ATP2A3: variants seen among roughly 807,000 people sequenced by gnomAD.
ATP2A3 encodes the protein ATPase sarcoplasmic/endoplasmic reticulum Ca2+ transporting 3, also known as sarcoplasmic/endoplasmic reticulum calcium ATPase 3.
Under a neutral mutation model 106.8 loss-of-function variants are expected in ATP2A3, and 61 were observed. That is an observed-to-expected ratio of 0.57 (90% confidence interval 0.46 to 0.71). The LOEUF is 0.71. Among genes scored for constraint, ATP2A3 ranks in the 30% least tolerant of loss-of-function variants. ATP2A3 has a pLI of 0.00. For missense variants in ATP2A3, 1,201 were observed against 1,423.5 expected, an observed-to-expected ratio of 0.84 and a Z score of 2.52; for synonymous variants, 611 against 609.3, an observed-to-expected ratio of 1.00 and a Z score of -0.04.
intron 17 of ATP2A3, among the ~76,000 whole-genome samples, chr17:3,932,135 A>ATTTTG (rs58002787): frequency 4.0e-5 from 6 of 151,602 alleles, no homozygotes; most frequent in African/African-American, 7.3e-5. Flanking sequence ...TTTTCTTTTT[A>ATTTTG]TTTTGTTTTG....
Position 3,964,261 on chromosome 17 carries a change from C to T in ATP2A3, c.31G>A (p.Asp11Asn), listed in dbSNP as rs1274713926. The change falls in exon 1 of 21, where the codon GAC (aspartate) becomes AAC (asparagine). Residue 11 changes from aspartate (D) to asparagine (N), a missense_variant. Physicochemically the swap from Asp to Asn is conservative, Grantham distance 23. This residue lies in a region of ATP2A3 where 266 missense variants were observed against 246.8 expected (regional missense o/e 1.08). Transcript: ENST00000397041. MEAAHLLPAA[D>N]VLRHFSVTAE... is the part of the protein sequence containing the mutation. Reference sequence around the variant, plus strand: ...GTCACCGAGAAGTGGCGCAGCACGTCGGCGGCCGGGAGCAGATGCGCCGCC... The same window carrying T: ...GTCACCGAGAAGTGGCGCAGCACGTTGGCGGCCGGGAGCAGATGCGCCGCC... The T allele has an allele frequency of 7.8e-7, 1 of 1,282,950 alleles. No homozygotes were observed. The highest frequency in any genetic ancestry group is 1.0e-6 in the Non-Finnish European group (1 of 1,002,842). 79.5% of individuals were successfully genotyped at this position (1,282,950 alleles called of 1,614,324 possible).
At chr17:3,951,504 C>T (rs998366055) in intron 4 of ATP2A3, 77 bp downstream of exon 4, 25 of 1,570,624 alleles carry the variant, frequency 1.6e-5, no homozygotes, top group Middle Eastern at 2.1e-4. Flanking sequence ...GTCTGCAGGA[C>T]GCCAGCACCA....
intron 1 of ATP2A3, among the ~76,000 whole-genome samples, 176 bp downstream of exon 1, chr17:3,963,998 C>T (rs894676445): frequency 4.6e-5 from 7 of 152,118 alleles, no homozygotes; most frequent in East Asian, 1.9e-4. Context: ...GCCCCCAGCC[C>T]CGGCGCCGGC....
chr17:3,941,185 T>C lies in ATP2A3; in HGVS notation c.1886A>G (p.Lys629Arg). 1 of 1,614,138 alleles carries C rather than the reference T, an allele frequency of 6.2e-7. No homozygotes were observed. Among genetic ancestry groups the C allele is most frequent in the Non-Finnish European group, 8.5e-7 (1 of 1,180,016 alleles). Residue 629 changes from lysine (K) to arginine (R), a missense_variant, in exon 14 of 21, where the codon AAA (lysine) becomes AGA (arginine). By Grantham distance (26) the Lys-to-Arg change is conservative. This residue lies in a region of ATP2A3 where 935 missense variants were observed against 1,176.7 expected (regional missense o/e 0.79). Coordinates refer to ENST00000397041, the MANE Select transcript of ATP2A3 (RefSeq NM_005173.4). The part of the protein sequence containing the change: ...IRVVMITGDN[K>R]GTAVAICRRL... Reference sequence around the variant, plus strand: ...GCGGCAGATGGCCACGGCAGTGCCTTTGTTATCCCCCGTGATCATGACCAC... The same window carrying C: ...GCGGCAGATGGCCACGGCAGTGCCTCTGTTATCCCCCGTGATCATGACCAC...
At position 3,936,641 on chromosome 17, in the gene ATP2A3, G is replaced by C. The variant is rs951816528; in HGVS notation, c.2322-172C>G. ...GGGTGTGTGTACACAGCTCTGCCTC[G>C]GGCCTGGCCAGTCCTGCCTTCCCCA... On this transcript the variant is annotated intron_variant, in intron 15 of 20. Coordinates refer to ENST00000397041, the MANE Select transcript of ATP2A3 (RefSeq NM_005173.4). This position sits in a 1 kb window ranked among gnomAD's most constrained non-coding sequence, Gnocchi z 5.4. The C allele has an allele frequency of 1.4e-6, 1 of 723,346 alleles. No individual in the cohort carries two copies. The highest frequency in any genetic ancestry group is 2.4e-6 in the Non-Finnish European group (1 of 418,870). The allele number at this position is 723,346 out of a possible 1,614,324, so 44.8% of individuals were successfully genotyped here.
chr17:3,957,007 G>A (rs1419725616), intron 1 of ATP2A3, among the ~76,000 whole-genome samples: 1 of 152,202 alleles, frequency 6.6e-6, no homozygotes, highest in Non-Finnish European at 1.5e-5. Flanking sequence ...ACTGTTAAGA[G>A]TCACATTTAC....
intron 1 of ATP2A3, among the ~76,000 whole-genome samples, chr17:3,961,546 C>T (rs116848608): frequency 3.2e-3 from 485 of 152,288 alleles, no homozygotes; most frequent in Middle Eastern, 0.017. Flanking sequence ...GATGCCCAGC[C>T]GCTGCCTCCC....
At position 3,953,770 on chromosome 17, in the gene ATP2A3, G is replaced by C; in HGVS notation, c.119-60C>G. 1 of 1,542,274 alleles carries C rather than the reference G, an allele frequency of 6.5e-7. No homozygotes were observed. The highest frequency in any genetic ancestry group is 8.8e-7 in the Non-Finnish European group (1 of 1,137,770). On this transcript the variant is annotated intron_variant, in intron 1 of 20. Coordinates refer to ENST00000397041, the MANE Select transcript of ATP2A3 (RefSeq NM_005173.4). The surrounding 1 kb of genome is among the most constrained non-coding windows in gnomAD (Gnocchi z 5.1). ...AGACAAGAGAGGAGTGGGTCACGCA[G>C]GGGCCTCGGGGGAGTCTGGCAGTGC... is the stretch of plus-strand genomic sequence containing the variant.
chr17:3,947,515 C>T lies in ATP2A3; in HGVS notation c.971G>A (p.Arg324Gln), dbSNP rs373969151. 6.1e-5 allele frequency: 98 copies of T among 1,613,400 alleles called. No homozygotes were observed. In the Middle Eastern group the frequency reaches 9.9e-4, roughly 16 times the overall value. ...GATGGCGTTCTTGCGTGCCATGCGC[C>T]GCGTGCCCAGTGCCAGGCATGTAGT... is the stretch of plus-strand genomic sequence containing the variant. ...VITTCLALGT[R>Q]RMARKNAIVR... is the part of the protein sequence containing the mutation. The change falls in exon 8 of 21, where the codon CGG becomes CAG. Residue 324 changes from arginine (R) to glutamine (Q), a missense_variant. By Grantham distance (43) the Arg-to-Gln change is conservative. This residue lies in a region of ATP2A3 where 935 missense variants were observed against 1,176.7 expected (regional missense o/e 0.79). Transcript: ENST00000397041. This position sits in a 1 kb window ranked among gnomAD's most constrained non-coding sequence, Gnocchi z 7.7.
rs867567517 is a variant in ATP2A3, at chr17:3,951,173, A to G, written c.463+78T>C. On this transcript the variant is annotated intron_variant, in intron 5 of 20. Transcript: ENST00000397041. ...GGGCAACAGAGCACGACTCCATCTC[A>G]AAAAATAAATAAATAAATAAATAAA... 8 of 1,156,662 alleles carry G rather than the reference A, an allele frequency of 6.9e-6. No individual in the cohort carries two copies. The African/African-American group carries it at 1.3e-4, about 19-fold the overall frequency. The allele number at this position is 1,156,662 out of a possible 1,614,324, so 71.6% of individuals were successfully genotyped here.
chr17:3,950,655 T>C, intron 6 of ATP2A3, 38 bp downstream of exon 6: 10 of 1,613,432 alleles, frequency 6.2e-6, no homozygotes, highest in Non-Finnish European at 7.6e-6. Context: ...CCCTTAGTCC[T>C]GGCCCACTAG....
intron 1 of ATP2A3, among the ~76,000 whole-genome samples, chr17:3,954,260 A>G (rs2054624514): frequency 6.6e-6 from 1 of 151,912 alleles, no homozygotes; most frequent in Admixed American, 6.5e-5. Flanking sequence ...CAAGGTCTGC[A>G]GCTGGGCCGG....
chr17:3,923,917 C>T lies in ATP2A3; in HGVS notation c.*1505G>A, dbSNP rs1025568260. ...TTTATTTCTCTACCAAACAGCAGGT[C>T]AGCAGGTGGGTACAGGGCCCGCTCC... is the stretch of plus-strand genomic sequence containing the variant. On this transcript the variant is annotated 3_prime_UTR_variant, in exon 21 of 21. Transcript: ENST00000397041. The T allele has an allele frequency of 6.6e-6, 1 of 152,286 alleles. No homozygotes were observed. The highest frequency in any genetic ancestry group is 1.5e-5 in the Non-Finnish European group (1 of 68,088). 9.4% of individuals were successfully genotyped at this position (152,286 alleles called of 1,614,324 possible). A position where few individuals can be genotyped will look rare whatever the true frequency, so the allele number is the denominator to read the frequency against.
chr17:3,933,447 T>C (rs2053233045), intron 17 of ATP2A3, among the ~76,000 whole-genome samples: 1 of 150,180 alleles, frequency 6.7e-6, no homozygotes, highest in Middle Eastern at 3.2e-3. Flanking sequence ...CATTAGAAGG[T>C]GCGCTGGGGT....
chr17:3,927,392 C>A (rs778775304), intron 20 of ATP2A3: 1 of 985,482 alleles, frequency 1.0e-6, no homozygotes, highest in Non-Finnish European at 1.2e-6. Flanking sequence ...CCGAGGAAGA[C>A]AAGCCACCTG....
intron 5 of ATP2A3, 36 bp downstream of exon 5, chr17:3,951,215 A>G (rs2054405317): frequency 1.5e-6 from 2 of 1,304,908 alleles, no homozygotes; most frequent in Non-Finnish European, 2.0e-6. Flanking sequence ...AAATAAATAA[A>G]ATAAAATAAA....
intron 1 of ATP2A3, among the ~76,000 whole-genome samples, chr17:3,957,085 C>T (rs2054825321): frequency 6.6e-6 from 1 of 152,258 alleles, no homozygotes; most frequent in Non-Finnish European, 1.5e-5. Context: ...TGGGAAGACG[C>T]TGGGGACCGA....
At chr17:3,927,415 C>T (rs970873263) in intron 20 of ATP2A3, 1 of 985,294 alleles carries the variant, frequency 1.0e-6, no homozygotes, top group African/African-American at 1.7e-5. Context: ...CTGTCATGTC[C>T]CCAGAGGCCT....
chr17:3,945,490 G>A, intron 8 of ATP2A3: 1 of 223,600 alleles, frequency 4.5e-6, no homozygotes, highest in Admixed American at 5.7e-5. Flanking sequence ...TGCGATCCCT[G>A]GCCAAGTAGC....
Sources: gnomAD v4.1 joint callset for allele counts (sites outside exome capture counted in the v4.1 genomes callset) on GRCh38, gnomAD v4.1.1 for gene constraint, gnomAD v4.1.1 regional missense constraint, Gnocchi (gnomAD v3.1) non-coding constraint, MANE v1.5 for transcripts, NCBI Gene and HGNC (gene_info 2026-07-23, HGNC 2026-07-21) for gene names.